CSGALNACT1: variants seen among roughly 807,000 people sequenced by gnomAD.
The protein encoded by CSGALNACT1 is chondroitin sulfate N-acetylgalactosaminyltransferase 1, also known as beta4GalNAcT-1.
A neutral mutation model predicts 51.0 loss-of-function variants in CSGALNACT1; 52 were observed. That is an observed-to-expected ratio of 1.02 (90% confidence interval 0.82 to 1.29). CSGALNACT1 has a LOEUF of 1.29. CSGALNACT1 is among the 50% of genes most tolerant of loss of function. The pLI is 0.00. For missense variants in CSGALNACT1, 935 were observed against 679.2 expected, an observed-to-expected ratio of 1.38 and a Z score of -4.19; for synonymous variants, 341 against 254.4, an observed-to-expected ratio of 1.34 and a Z score of -3.24.
At chr8:19,495,401 CCT>C (rs1173513708) in intron 4 of CSGALNACT1, among the ~76,000 whole-genome samples, 1 of 152,214 alleles carries the variant, frequency 6.6e-6, no homozygotes, top group Non-Finnish European at 1.5e-5. Flanking sequence ...CCCATAAAAA[CCT>C]CTTTAACCCA....
chr8:19,479,317 G>C (rs1324306065), intron 4 of CSGALNACT1, among the ~76,000 whole-genome samples: 1 of 152,176 alleles, frequency 6.6e-6, no homozygotes, highest in African/African-American at 2.4e-5. Context: ...TTGGATGAGA[G>C]TCTGTGCTCT....
At chr8:19,722,914 T>C (rs184042145) in intron 1 of CSGALNACT1, among the ~76,000 whole-genome samples, 2 of 152,306 alleles carry the variant, frequency 1.3e-5, no homozygotes, top group East Asian at 3.9e-4. Flanking sequence ...AGTACAACGA[T>C]TTCCCAAATG....
intron 3 of CSGALNACT1, among the ~76,000 whole-genome samples, chr8:19,590,386 C>T (rs773520612): frequency 6.6e-6 from 1 of 152,214 alleles, no homozygotes; most frequent in Non-Finnish European, 1.5e-5. Context: ...TTCCTTTTGG[C>T]GATATCTTAT....
At chr8:19,419,302 T>C (rs1220965744) in intron 7 of CSGALNACT1, among the ~76,000 whole-genome samples, 1 of 152,206 alleles carries the variant, frequency 6.6e-6, no homozygotes, top group African/African-American at 2.4e-5. Flanking sequence ...GCACTGGGCA[T>C]CACGCCTTGG....
At chr8:19,600,939 C>A in intron 2 of CSGALNACT1, among the ~76,000 whole-genome samples, 1 of 151,538 alleles carries the variant, frequency 6.6e-6, no homozygotes, top group East Asian at 1.9e-4. Flanking sequence ...GTGCAGCTTA[C>A]CTATTTTCAT....
intron 1 of CSGALNACT1, among the ~76,000 whole-genome samples, chr8:19,627,274 G>A (rs1054210698): frequency 6.6e-6 from 1 of 152,140 alleles, no homozygotes; most frequent in Admixed American, 6.5e-5. Flanking sequence ...ATTATAGAGA[G>A]TGAAAAAGAT....
intron 1 of CSGALNACT1, chr8:19,732,523 A>G (rs1227386728): frequency 6.6e-6 from 1 of 152,190 alleles, no homozygotes; most frequent in African/African-American, 2.4e-5. Flanking sequence ...GCAGCCATAT[A>G]TGTGTCTTCA....
chr8:19,440,294 T>C (rs1035338458), intron 5 of CSGALNACT1, among the ~76,000 whole-genome samples: 6 of 152,150 alleles, frequency 3.9e-5, no homozygotes, highest in Non-Finnish European at 8.8e-5. Flanking sequence ...ATATCCTTGA[T>C]GAACATTGAT....
chr8:19,553,620 C>CATATATATATATATATATATATAT (rs769189103), intron 3 of CSGALNACT1, among the ~76,000 whole-genome samples: 12 of 71,578 alleles, frequency 1.7e-4, no homozygotes, highest in African/African-American at 1.0e-3. Flanking sequence ...TATATAAATA[C>CATATATATATATATATATATATAT]ATATATATAT....
At chr8:19,587,507 C>G (rs1397667787) in intron 3 of CSGALNACT1, among the ~76,000 whole-genome samples, 3 of 152,172 alleles carry the variant, frequency 2.0e-5, no homozygotes, top group Non-Finnish European at 2.9e-5. Flanking sequence ...CCAATATAAA[C>G]AAACCTAAGT....
At position 19,723,328 on chromosome 8, in the gene CSGALNACT1, C is replaced by T. The variant is rs548939871; in HGVS notation, c.-297+34522G>A. Reference sequence around the variant, plus strand: ...ACGTGCTAACGAAAGACAAGTGGGCCGTAATAGAAACCCAAAACATCTTGA... The same window carrying T: ...ACGTGCTAACGAAAGACAAGTGGGCTGTAATAGAAACCCAAAACATCTTGA... On this transcript the variant is annotated intron_variant, in intron 1 of 1. Transcript: ENST00000517494. Among the ~76,000 whole-genome samples the T allele has an allele frequency of 8.5e-5, 13 of 152,196 alleles. No homozygotes were observed. In the South Asian group the frequency reaches 2.3e-3, roughly 27 times the overall value.
chr8:19,435,420 G>C (rs571879127), intron 6 of CSGALNACT1, among the ~76,000 whole-genome samples: 1 of 151,494 alleles, frequency 6.6e-6, no homozygotes, highest in Non-Finnish European at 1.5e-5. Context: ...TTGAACCCAA[G>C]AGGTGGAGGT....
chr8:19,700,577 T>A (rs1249988228), intron 1 of CSGALNACT1, among the ~76,000 whole-genome samples: 1 of 152,196 alleles, frequency 6.6e-6, no homozygotes, highest in African/African-American at 2.4e-5. Context: ...CATGGTGGTA[T>A]CTATGAATGT....
intron 4 of CSGALNACT1, among the ~76,000 whole-genome samples, chr8:19,486,562 A>G (rs1317211544): frequency 6.6e-6 from 1 of 151,910 alleles, no homozygotes; most frequent in Admixed American, 6.6e-5. Context: ...GAGCTTGCAC[A>G]CTAGCTGTTC....
At chr8:19,739,758 G>T (rs553332457) in intron 1 of CSGALNACT1, among the ~76,000 whole-genome samples, 2 of 152,338 alleles carry the variant, frequency 1.3e-5, no homozygotes, top group South Asian at 4.1e-4. Context: ...GGATGTGGGA[G>T]CAGTGAAGTA....
intron 7 of CSGALNACT1, among the ~76,000 whole-genome samples, chr8:19,419,944 G>A (rs760740001): frequency 6.6e-6 from 1 of 152,198 alleles, no homozygotes; most frequent in Non-Finnish European, 1.5e-5. Flanking sequence ...GATGGGGACA[G>A]GTTTTCCCAT....
chr8:19,583,805 T>G (rs1051021965), intron 3 of CSGALNACT1, among the ~76,000 whole-genome samples: 1 of 152,198 alleles, frequency 6.6e-6, no homozygotes, highest in South Asian at 2.1e-4. Context: ...AACAAAAAAA[T>G]AATGATTGCT....
At chr8:19,596,433 A>G (rs780777651) in intron 2 of CSGALNACT1, among the ~76,000 whole-genome samples, 10 of 152,150 alleles carry the variant, frequency 6.6e-5, no homozygotes, top group Non-Finnish European at 1.3e-4. Context: ...TTGTGACAGA[A>G]CAAACATTTC....
intron 1 of CSGALNACT1, among the ~76,000 whole-genome samples, chr8:19,688,340 G>C (rs1177315918): frequency 6.6e-6 from 1 of 152,234 alleles, no homozygotes; most frequent in Non-Finnish European, 1.5e-5. Flanking sequence ...ATGGGAGATT[G>C]ATTCTGTAAA....
Sources: allele counts gnomAD v4.1 joint callset (sites outside exome capture counted in the v4.1 genomes callset), GRCh38; gene constraint gnomAD v4.1.1; transcripts MANE v1.5; gene names NCBI Gene and HGNC (gene_info 2026-07-23, HGNC 2026-07-21).